Variants in TMC2 observed in about 807,000 individuals in gnomAD.
TMC2 encodes the protein transmembrane channel like 2.
A neutral mutation model predicts 105.9 loss-of-function variants in TMC2; 102 were observed. That is an observed-to-expected ratio of 0.96 (90% CI 0.82 to 1.14). The LOEUF (loss-of-function observed/expected upper bound fraction) is 1.14. Among genes scored for constraint, TMC2 ranks in the 50% most tolerant of loss-of-function variants. The pLI is 0.00. For synonymous variants in TMC2, 402 were observed against 422.8 expected (o/e 0.95, Z 0.60); for missense variants, 1,093 against 1,134.3 (o/e 0.96, Z 0.52).
intron 2 of TMC2, among the ~76,000 whole-genome samples, chr20:2,550,875 A>T (rs2085952617): frequency 6.6e-6 from 1 of 152,204 alleles, no homozygotes; most frequent in South Asian, 2.1e-4. Context: ...TTGTTTATGC[A>T]TTCACCTATT....
intron 2 of TMC2, among the ~76,000 whole-genome samples, chr20:2,550,038 T>G (rs2085947473): frequency 6.6e-6 from 1 of 151,750 alleles, no homozygotes; most frequent in Admixed American, 6.6e-5. Context: ...CAAAAATTAG[T>G]TGGGCATAGT....
Position 2,612,247 on chromosome 20 carries a change from C to G in TMC2, c.1650C>G (p.Tyr550Ter), listed in dbSNP as rs1246602080. The G allele has an allele frequency of 6.2e-7, 1 of 1,612,628 alleles. No individual in the cohort carries two copies. The highest frequency in any genetic ancestry group is 1.1e-5 in the South Asian group (1 of 90,544). Reference sequence around the variant, plus strand: ...CTCACTGGACTCTGTTTAACTATTACAACTCTTCTGGTTGGAACGAGAGTG... The same window carrying G: ...CTCACTGGACTCTGTTTAACTATTAGAACTCTTCTGGTTGGAACGAGAGTG... ...NITHWTLFNY[Y>*]NSSGWNESVP... The change falls in exon 13 of 20, where the codon TAC becomes TAG. Residue 550 changes from tyrosine to a stop codon, truncating the protein, a stop_gained. Coordinates refer to ENST00000358864, the MANE Select transcript of TMC2 (RefSeq NM_080751.3). LOFTEE classifies it high-confidence loss of function.
intron 5 of TMC2, 151 bp downstream of exon 5, chr20:2,572,420 C>G: frequency 1.6e-6 from 1 of 628,518 alleles, no homozygotes. Flanking sequence ...TCTGATCCAT[C>G]TAGGCATGGA....
At chr20:2,599,037 G>C (rs2086330184) in intron 10 of TMC2, among the ~76,000 whole-genome samples, 1 of 152,124 alleles carries the variant, frequency 6.6e-6, no homozygotes, top group Non-Finnish European at 1.5e-5. Flanking sequence ...GTATAATTGA[G>C]TGGTTGGGTT....
At chr20:2,585,263 T>G (rs1242258548) in intron 7 of TMC2, among the ~76,000 whole-genome samples, 3 of 152,206 alleles carry the variant, frequency 2.0e-5, no homozygotes, top group Non-Finnish European at 4.4e-5. Context: ...ATTTCAGTTG[T>G]TTCTATTTGG....
At chr20:2,544,390 A>C (rs1389316245) in intron 2 of TMC2, among the ~76,000 whole-genome samples, 1 of 152,204 alleles carries the variant, frequency 6.6e-6, no homozygotes, top group African/African-American at 2.4e-5. Context: ...CCAGGATCTA[A>C]GAGTGCCCTG....
At chr20:2,588,962 C>T (rs1217294966) in intron 7 of TMC2, among the ~76,000 whole-genome samples, 2 of 152,090 alleles carry the variant, frequency 1.3e-5, no homozygotes, top group Admixed American at 1.3e-4. Flanking sequence ...CAGTTCTCTA[C>T]CAAAATGATT....
At position 2,610,578 on chromosome 20, in the gene TMC2, A is replaced by G. The variant is rs2086429562; in HGVS notation, c.1573A>G (p.Met525Val). ...GNLYTFLLAL[M>V]DDVHLKLANE... ...CCTCTACACATTTCTCTTGGCCCTG[A>G]TGGATGACGTCCACCTCAAGGTAAA... is the stretch of plus-strand genomic sequence containing the variant. The change falls in exon 12 of 20, where the codon ATG becomes GTG. Residue 525 changes from methionine to valine, a missense_variant. Coordinates refer to ENST00000358864, the MANE Select transcript of TMC2 (RefSeq NM_080751.3). 1.9e-6 allele frequency: 3 copies of G among 1,602,432 alleles called. No homozygotes were observed. The highest frequency in any genetic ancestry group is 2.6e-6 in the Non-Finnish European group (3 of 1,173,638).
At chr20:2,576,280 C>T (rs2086143739) in intron 5 of TMC2, among the ~76,000 whole-genome samples, 1 of 152,178 alleles carries the variant, frequency 6.6e-6, no homozygotes, top group South Asian at 2.1e-4. Flanking sequence ...GAGAAAGGGG[C>T]TTGGAATCTT....
chr20:2,544,039 C>T (rs1200387378), intron 2 of TMC2, among the ~76,000 whole-genome samples: 4 of 150,206 alleles, frequency 2.7e-5, no homozygotes, highest in African/African-American at 9.8e-5. Flanking sequence ...GTAGCTGGGA[C>T]TACAGGCGCT....
intron 2 of TMC2, among the ~76,000 whole-genome samples, chr20:2,544,643 C>A (rs1391454127): frequency 6.6e-6 from 1 of 152,202 alleles, no homozygotes; most frequent in Non-Finnish European, 1.5e-5. Context: ...GACCACCACC[C>A]ACCCAATCTC....
At chr20:2,576,901 T>G (rs113376281) in intron 5 of TMC2, among the ~76,000 whole-genome samples, 3,712 of 112,328 alleles carry the variant, frequency 0.033, 158 homozygotes, top group African/African-American at 0.13. Context: ...TTCTTCTTGG[T>G]TTTTTTTTTT....
intron 9 of TMC2, among the ~76,000 whole-genome samples, chr20:2,596,526 G>C (rs775126354): frequency 6.6e-5 from 10 of 151,764 alleles, no homozygotes; most frequent in Non-Finnish European, 1.2e-4. Flanking sequence ...CCAGCTACTC[G>C]GGAGGCTGAG....
chr20:2,545,959 A>C (rs972646227), intron 2 of TMC2, among the ~76,000 whole-genome samples: 11 of 152,106 alleles, frequency 7.2e-5, no homozygotes, highest in Non-Finnish European at 1.5e-4. Context: ...AGGAAAAAAT[A>C]AAACTAATGT....
intron 10 of TMC2, among the ~76,000 whole-genome samples, chr20:2,597,576 C>A (rs1213788704): frequency 6.6e-6 from 1 of 152,150 alleles, no homozygotes; most frequent in Non-Finnish European, 1.5e-5. Context: ...CAACCTCTGC[C>A]TCCTGGGCTC....
intron 5 of TMC2, among the ~76,000 whole-genome samples, chr20:2,574,624 A>C (rs531588382): frequency 2.6e-5 from 4 of 152,306 alleles, no homozygotes; most frequent in African/African-American, 7.2e-5. Flanking sequence ...TTCTTCCTGA[A>C]ACTTGATCAT....
chr20:2,579,812 T>A, intron 6 of TMC2, 138 bp from the exon 7 acceptor site: 1 of 575,944 alleles, frequency 1.7e-6, no homozygotes, highest in Non-Finnish European at 3.1e-6. Context: ...AGGTTATTTA[T>A]CCAGGAAAAG....
intron 5 of TMC2, among the ~76,000 whole-genome samples, chr20:2,574,225 C>T (rs902502576): frequency 2.0e-5 from 3 of 152,056 alleles, no homozygotes; most frequent in African/African-American, 7.2e-5. Context: ...CTGGGATAAC[C>T]TCAGTCACGG....
chr20:2,606,787 T>G (rs2086395454), intron 11 of TMC2, among the ~76,000 whole-genome samples: 1 of 151,550 alleles, frequency 6.6e-6, no homozygotes, highest in African/African-American at 2.4e-5. Flanking sequence ...TTTTAAAACT[T>G]TCCCCCTTTT....
Sources: gnomAD v4.1 joint callset for allele counts (sites outside exome capture counted in the v4.1 genomes callset) on GRCh38, gnomAD v4.1.1 for gene constraint, MANE v1.5 for transcripts, NCBI Gene and HGNC (gene_info 2026-07-23, HGNC 2026-07-21) for gene names.